The following CNOT7 variants were observed in gnomAD, a reference collection of about 807,000 sequenced individuals.
The protein encoded by CNOT7 is CCR4-NOT transcription complex subunit 7, also known as BTG1-binding factor 1.
Under a neutral mutation model 37.1 loss-of-function variants are expected in CNOT7, and 4 were observed. That is an observed-to-expected ratio of 0.11 (90% confidence interval 0.05 to 0.25). The LOEUF is 0.25. Among genes scored for constraint, CNOT7 ranks in the 10% least tolerant of loss-of-function variants. The pLI is 1.00. For synonymous variants in CNOT7, 128 were observed against 115.6 expected, an observed-to-expected ratio of 1.11 and a Z score of -0.69; for missense variants, 170 against 336.2, an observed-to-expected ratio of 0.51 and a Z score of 3.87.
intron 3 of CNOT7, among the ~76,000 whole-genome samples, chr8:17,240,627 TG>T (rs1810033640): frequency 6.6e-6 from 1 of 152,190 alleles, no homozygotes; most frequent in Non-Finnish European, 1.5e-5. Context: ...GAGAAGCTGA[TG>T]GGTTACCTCC....
intron 6 of CNOT7, chr8:17,231,637 G>C (rs2150968755): frequency 1.0e-6 from 1 of 985,302 alleles, no homozygotes. Context: ...TTTTCCAAAA[G>C]GGAAAACTTA....
In CNOT7 at chr8:17,225,196, A is replaced by G. The variant is rs1459883190; in HGVS notation, c.*5524T>C. 1 of 151,740 alleles carries G rather than the reference A, an allele frequency of 6.6e-6. No individual in the cohort carries two copies. Among genetic ancestry groups the G allele is most frequent in the Non-Finnish European group, 1.5e-5 (1 of 67,694 alleles). The allele number at this position is 151,740 out of a possible 1,614,324, so 9.4% of individuals were successfully genotyped here. On this transcript the variant is annotated 3_prime_UTR_variant, in exon 7 of 7. Coordinates refer to ENST00000361272, the MANE Select transcript of CNOT7 (RefSeq NM_013354.7). ...TCCTAACAATTTGGAAGCCATGATG[A>G]TAGTCTGAAGCTAAAGGAACTCCAA...
chr8:17,244,955 C>G (rs1453266716), intron 2 of CNOT7, 81 bp downstream of exon 2: 3 of 1,163,812 alleles, frequency 2.6e-6, no homozygotes, highest in South Asian at 3.0e-5. Flanking sequence ...AAATATCAAC[C>G]AAAAGGGTTG....
At chr8:17,231,886 C>T (rs1011360558) in intron 6 of CNOT7, 12 of 985,966 alleles carry the variant, frequency 1.2e-5, no homozygotes, top group South Asian at 9.4e-5. Flanking sequence ...TTGATCCCTT[C>T]GGAATTCAAC....
chr8:17,230,218 A>G lies in CNOT7; in HGVS notation c.*502T>C, dbSNP rs929330927. 1 of 152,520 alleles carries G rather than the reference A, an allele frequency of 6.6e-6. No individual in the cohort carries two copies. The highest frequency in any genetic ancestry group is 2.4e-5 in the African/African-American group (1 of 41,444). 9.4% of individuals were successfully genotyped at this position (152,520 alleles called of 1,614,324 possible). On this transcript the variant is annotated 3_prime_UTR_variant, in exon 7 of 7. Transcript: ENST00000361272. ...AGTAAATACTGTGTAAAGTTGGCAG[A>G]TTTTTCCAGCTAAGATCAAGAAAAA...
chr8:17,243,685 A>G, intron 2 of CNOT7: 1 of 455,594 alleles, frequency 2.2e-6, no homozygotes, highest in Non-Finnish European at 4.4e-6. Flanking sequence ...TCTATAGTCC[A>G]CAGAAAGCAT....
rs1808422785 is a variant in CNOT7, at chr8:17,229,964, A to C, written c.*756T>G. On this transcript the variant is annotated 3_prime_UTR_variant, in exon 7 of 7. Transcript: ENST00000361272. ...GTTTCCTGGCAGATAGTAAACATCC[A>C]ATCACAAGGGATTTTTCCTGAAGGG... 1.3e-5 allele frequency: 2 copies of C among 152,396 alleles called. No homozygotes were observed. The highest frequency in any genetic ancestry group is 6.6e-5 in the Admixed American group (1 of 15,258). 9.4% of individuals were successfully genotyped at this position (152,396 alleles called of 1,614,324 possible).
chr8:17,244,926 TG>T, intron 2 of CNOT7, 109 bp downstream of exon 2: 1 of 895,092 alleles, frequency 1.1e-6, no homozygotes, highest in Non-Finnish European at 1.7e-6. Flanking sequence ...TTACTTTTCA[TG>T]GTGAAATTAA....
chr8:17,231,742 G>A (rs903839560), intron 6 of CNOT7: 2 of 985,418 alleles, frequency 2.0e-6, no homozygotes, highest in Admixed American at 6.1e-5. Flanking sequence ...TTACTTAGGA[G>A]TAGATAATGG....
chr8:17,231,615 T>C lies in CNOT7; in HGVS notation c.730-767A>G. On this transcript the variant is annotated intron_variant, in intron 6 of 6. Transcript: ENST00000361272. Reference sequence around the variant, plus strand: ...ATGTCTAAGAGAAAATATACTCAAATCCACAGCGAATTTTTCCAAAAGGGA... The same window carrying C: ...ATGTCTAAGAGAAAATATACTCAAACCCACAGCGAATTTTTCCAAAAGGGA... The C allele has an allele frequency of 7.1e-6, 7 of 985,198 alleles. No individual in the cohort carries two copies. The South Asian group carries it at 1.9e-4, about 26-fold the overall frequency. The allele number at this position is 985,198 out of a possible 1,614,324, so 61.0% of individuals were successfully genotyped here.
intron 4 of CNOT7, among the ~76,000 whole-genome samples, chr8:17,235,733 T>C (rs969628042): frequency 1.3e-5 from 2 of 152,222 alleles, no homozygotes; most frequent in Non-Finnish European, 2.9e-5. Context: ...GCTTAGGATT[T>C]ATAAACTTCT....
At chr8:17,245,363 A>T in intron 1 of CNOT7, 116 bp from the exon 2 acceptor site, 1 of 454,196 alleles carries the variant, frequency 2.2e-6, no homozygotes. Flanking sequence ...TCATAAAAAA[A>T]AAAAATCAAA....
chr8:17,239,658 A>AT (rs1040547317), intron 3 of CNOT7, among the ~76,000 whole-genome samples: 6 of 151,750 alleles, frequency 4.0e-5, no homozygotes, highest in Non-Finnish European at 5.9e-5. Flanking sequence ...CACCCAGCTA[A>AT]TTTTTTTTGT....
intron 5 of CNOT7, 141 bp downstream of exon 5, chr8:17,234,575 A>C: frequency 2.2e-6 from 2 of 894,724 alleles, no homozygotes; most frequent in South Asian, 3.1e-5. Flanking sequence ...CAAGAAAAAA[A>C]ATCACATGAC....
At chr8:17,244,707 C>T in intron 2 of CNOT7, 1 of 199,132 alleles carries the variant, frequency 5.0e-6, no homozygotes, top group Non-Finnish European at 1.0e-5. Flanking sequence ...GCTTCCCGAA[C>T]ACATCCAATC....
At chr8:17,244,151 T>C (rs1159443842) in intron 2 of CNOT7, among the ~76,000 whole-genome samples, 1 of 152,152 alleles carries the variant, frequency 6.6e-6, no homozygotes, top group Non-Finnish European at 1.5e-5. Flanking sequence ...TTTATGGAGC[T>C]AATAATAATC....
intron 3 of CNOT7, among the ~76,000 whole-genome samples, chr8:17,238,743 A>G (rs950290651): frequency 7.9e-5 from 12 of 152,232 alleles, no homozygotes; most frequent in South Asian, 2.1e-4. Context: ...TAAGTTTCCA[A>G]TAACACCCTT....
rs1416523822 is a variant in CNOT7, at chr8:17,234,703, T to C, written c.618+13A>G. Reference sequence around the variant, plus strand: ...CAGTGTGCTGCTGTAGATAATGCCATCCGAAGCCTTACTTTGAGATTTTTG... The same window carrying C: ...CAGTGTGCTGCTGTAGATAATGCCACCCGAAGCCTTACTTTGAGATTTTTG... On this transcript the variant is annotated intron_variant, in intron 5 of 6. Transcript: ENST00000361272. The C allele has an allele frequency of 6.2e-7, 1 of 1,613,784 alleles. No homozygotes were observed. The highest frequency in any genetic ancestry group is 8.5e-7 in the Non-Finnish European group (1 of 1,179,754).
chr8:17,237,138 C>G (rs951728595), intron 4 of CNOT7, 74 bp downstream of exon 4: 2 of 1,442,548 alleles, frequency 1.4e-6, no homozygotes, highest in African/African-American at 1.4e-5. Context: ...AAATTGCTAA[C>G]ATAGTGACCC....
Sources: allele counts gnomAD v4.1 joint callset (sites outside exome capture counted in the v4.1 genomes callset), GRCh38; gene constraint gnomAD v4.1.1; transcripts MANE v1.5; gene names NCBI Gene and HGNC (gene_info 2026-07-23, HGNC 2026-07-21).